Variants in CNOT6L observed in about 807,000 individuals in gnomAD.
CNOT6L encodes the protein CCR4-NOT transcription complex subunit 6 like, also known as CCR4-NOT transcription complex subunit 6-like.
CNOT6L carries 7 observed loss-of-function variants against 64.0 expected under a neutral mutation model. That is an observed-to-expected ratio of 0.11 (90% CI 0.06 to 0.21). CNOT6L has a LOEUF of 0.21. CNOT6L is among the 10% of genes least tolerant of loss of function. CNOT6L has a pLI of 1.00. For missense variants in CNOT6L, 245 were observed against 669.0 expected (o/e 0.37, Z 6.99); for synonymous variants, 193 against 243.4 (o/e 0.79, Z 1.93).
Position 77,754,944 on chromosome 4 carries a change from T to C in CNOT6L, c.490+1918A>G, listed in dbSNP as rs977642217. 6.6e-5 allele frequency among the ~76,000 whole-genome samples: 6 copies of C among 91,212 alleles called. No individual in the cohort carries two copies. The East Asian group carries it at 1.8e-3, about 27-fold the overall frequency. The allele number at this position is 91,212 out of a possible 152,430, so 59.8% of individuals were successfully genotyped here. On this transcript the variant is annotated intron_variant, in intron 5 of 11. Transcript: ENST00000504123. Reference sequence around the variant, plus strand: ...TTCTAGATAATGACATAGGAGAATATATTCATGATCTTGTGGTATCAAAAA... The same window carrying C: ...TTCTAGATAATGACATAGGAGAATACATTCATGATCTTGTGGTATCAAAAA...
intron 8 of CNOT6L, among the ~76,000 whole-genome samples, chr4:77,738,666 T>C (rs1158831705): frequency 6.7e-6 from 1 of 149,656 alleles, no homozygotes; most frequent in Non-Finnish European, 1.5e-5. Flanking sequence ...GGCAGGAGAA[T>C]TGCTTGAACC....
chr4:77,802,951 G>A (rs949376320), intron 1 of CNOT6L, among the ~76,000 whole-genome samples: 2 of 152,108 alleles, frequency 1.3e-5, no homozygotes, highest in Non-Finnish European at 2.9e-5. Context: ...TCTAAGCAAG[G>A]CAAAGACCTT....
At chr4:77,734,043 T>TA (rs1169313220) in intron 8 of CNOT6L, among the ~76,000 whole-genome samples, 2 of 152,176 alleles carry the variant, frequency 1.3e-5, no homozygotes, top group African/African-American at 4.8e-5. Flanking sequence ...TAACTGGGCA[T>TA]AAATGAACTA....
intron 1 of CNOT6L, among the ~76,000 whole-genome samples, chr4:77,798,566 A>T (rs1731142413): frequency 6.6e-6 from 1 of 152,228 alleles, no homozygotes; most frequent in Non-Finnish European, 1.5e-5. Flanking sequence ...TCTACTCTAT[A>T]CTTTGGCCTA....
chr4:77,744,982 T>C (rs1025022487), intron 6 of CNOT6L, 107 bp from the exon 7 acceptor site: 5 of 757,392 alleles, frequency 6.6e-6, no homozygotes, highest in South Asian at 5.8e-5. Flanking sequence ...ATACGCCACA[T>C]ATCATCATTG....
At chr4:77,793,590 G>GA (rs1730431794) in intron 1 of CNOT6L, among the ~76,000 whole-genome samples, 1 of 151,040 alleles carries the variant, frequency 6.6e-6, no homozygotes, top group East Asian at 1.9e-4. Context: ...GATGGACTTG[G>GA]AAAACTCTGA....
chr4:77,736,255 C>G (rs1293570683), intron 8 of CNOT6L, among the ~76,000 whole-genome samples: 2 of 152,146 alleles, frequency 1.3e-5, no homozygotes, highest in Non-Finnish European at 2.9e-5. Context: ...GAGTTGAAAA[C>G]TAGTTGAACC....
rs1266682465 is a variant in CNOT6L, at chr4:77,714,416, A to C, written c.*6015T>G. 28 of 149,174 alleles carry C rather than the reference A, an allele frequency of 1.9e-4. No homozygotes were observed. The allele number at this position is 149,174 out of a possible 1,614,324, so 9.2% of individuals were successfully genotyped here. ...CAACACCCTGGCCCTTATAGAGAGA[A>C]AAAGTACATACACACTCTCTTTAAA... On this transcript the variant is annotated 3_prime_UTR_variant, in exon 12 of 12. Coordinates refer to ENST00000504123, the MANE Select transcript of CNOT6L (RefSeq NM_144571.3).
chr4:77,770,940 T>C (rs1052091232), intron 4 of CNOT6L, among the ~76,000 whole-genome samples: 4 of 152,212 alleles, frequency 2.6e-5, no homozygotes, highest in South Asian at 4.1e-4. Context: ...TGAGATAATA[T>C]GAAACAGTTA....
At chr4:77,807,464 A>G (rs1019008767) in intron 1 of CNOT6L, among the ~76,000 whole-genome samples, 1 of 152,104 alleles carries the variant, frequency 6.6e-6, no homozygotes, top group East Asian at 1.9e-4. Context: ...GTTATGAATG[A>G]AGAATGCACA....
chr4:77,794,114 T>C (rs1730499283), intron 1 of CNOT6L, among the ~76,000 whole-genome samples: 1 of 111,540 alleles, frequency 9.0e-6, no homozygotes, highest in Non-Finnish European at 1.6e-5. Flanking sequence ...ATCGCACCAC[T>C]GCACTCAAGC....
chr4:77,818,441 T>C (rs1733813930), intron 1 of CNOT6L, among the ~76,000 whole-genome samples: 1 of 151,712 alleles, frequency 6.6e-6, no homozygotes, highest in Admixed American at 6.6e-5. Flanking sequence ...AAAATGTTTG[T>C]CTAATTAAAA....
chr4:77,809,960 T>C (rs1732720566), intron 1 of CNOT6L, among the ~76,000 whole-genome samples: 2 of 152,164 alleles, frequency 1.3e-5, no homozygotes, highest in African/African-American at 4.8e-5. Context: ...ATCTATTCAG[T>C]ACAAATGACG....
At chr4:77,726,833 T>C (rs1396876545) in intron 10 of CNOT6L, among the ~76,000 whole-genome samples, 1 of 152,246 alleles carries the variant, frequency 6.6e-6, no homozygotes, top group African/African-American at 2.4e-5. Flanking sequence ...AGATTTTGCA[T>C]CTTCAACATT....
chr4:77,808,188 G>A (rs904054893), intron 1 of CNOT6L, among the ~76,000 whole-genome samples: 5 of 152,106 alleles, frequency 3.3e-5, no homozygotes, highest in South Asian at 4.1e-4. Context: ...TAGGCCTGGC[G>A]AGGTGGCTCA....
chr4:77,743,532 T>C (rs1197895216), intron 7 of CNOT6L, among the ~76,000 whole-genome samples: 1 of 150,628 alleles, frequency 6.6e-6, no homozygotes, highest in Non-Finnish European at 1.5e-5. Context: ...AAATTTTTAA[T>C]AATTTTTCCT....
At chr4:77,792,602 T>C (rs1397135459) in intron 1 of CNOT6L, among the ~76,000 whole-genome samples, 1 of 151,830 alleles carries the variant, frequency 6.6e-6, no homozygotes, top group Non-Finnish European at 1.5e-5. Flanking sequence ...GGCATGCTCC[T>C]GTAATTCCAG....
At chr4:77,746,244 C>A (rs1259199895) in intron 6 of CNOT6L, among the ~76,000 whole-genome samples, 1 of 152,144 alleles carries the variant, frequency 6.6e-6, no homozygotes, top group Non-Finnish European at 1.5e-5. Flanking sequence ...TATATCCCTG[C>A]CAGTGCCTGA....
At chr4:77,768,479 ATATATATATATATATAT>A in intron 4 of CNOT6L, among the ~76,000 whole-genome samples, 1 of 3,782 alleles carries the variant, frequency 2.6e-4, no homozygotes, top group Admixed American at 3.9e-3. Context: ...AAATAAATAT[ATATATATATATATATAT>A]ATATATATAT....
Sources: allele counts gnomAD v4.1 joint callset (sites outside exome capture counted in the v4.1 genomes callset), GRCh38; gene constraint gnomAD v4.1.1; transcripts MANE v1.5; gene names NCBI Gene and HGNC (gene_info 2026-07-23, HGNC 2026-07-21).